SCARA3: variants seen among roughly 807,000 people sequenced by gnomAD.
The protein encoded by SCARA3 is scavenger receptor class A member 3, also known as cellular stress response gene protein.
Under a neutral mutation model 47.0 loss-of-function variants are expected in SCARA3, and 39 were observed. The ratio of observed to expected loss-of-function variants is 0.83; its 90% CI spans 0.64 to 1.08. The LOEUF is 1.08. Ranked by LOEUF, SCARA3 falls within the 50% of genes least tolerant of loss-of-function variation. The pLI is 0.00. For missense variants in SCARA3, 724 were observed against 792.3 expected (o/e 0.91, Z 1.04); for synonymous variants, 356 against 334.1 (o/e 1.07, Z -0.71).
intron 1 of SCARA3, among the ~76,000 whole-genome samples, chr8:27,635,611 C>T (rs1801233221): frequency 8.7e-6 from 1 of 114,858 alleles, no homozygotes; most frequent in Admixed American, 1.1e-4. Context: ...GTGTGCACCA[C>T]CATGCATGGA....
the SCARA3 span, among the ~76,000 whole-genome samples, chr8:27,699,792 A>C: frequency 6.6e-6 from 1 of 152,134 alleles, no homozygotes; most frequent in Non-Finnish European, 1.5e-5. Flanking sequence ...AAATTTCAGA[A>C]AGAAAAAAAA....
chr8:27,686,868 G>A, the SCARA3 span, among the ~76,000 whole-genome samples: 1 of 152,156 alleles, frequency 6.6e-6, no homozygotes, highest in African/African-American at 2.4e-5. Flanking sequence ...TGCCATGGTG[G>A]TTTGCTGAAC....
At chr8:27,719,018 G>C in the SCARA3 span, among the ~76,000 whole-genome samples, 7 of 152,282 alleles carry the variant, frequency 4.6e-5, no homozygotes, top group South Asian at 1.2e-3. Context: ...GCAAAAACAA[G>C]CTACTCTGCC....
At chr8:27,676,337 T>A (rs1802277020), downstream of SCARA3, among the ~76,000 whole-genome samples, 1 of 152,178 alleles carries the variant, frequency 6.6e-6, no homozygotes, top group Non-Finnish European at 1.5e-5. Flanking sequence ...GCCTCGTTAC[T>A]AACACCACCA....
Position 27,660,838 on chromosome 8 carries a change from CTAGCTAGATAGA to C in SCARA3, c.1369+1303_1369+1314del, listed in dbSNP as rs56809311. 8.4e-3 allele frequency among the ~76,000 whole-genome samples: 416 copies of C among 49,804 alleles called. 2 individuals carry two copies. The highest frequency in any genetic ancestry group is 0.015 in the African/African-American group (369 of 25,122). 32.7% of individuals were successfully genotyped at this position (49,804 alleles called of 152,430 possible). On this transcript the variant is annotated intron_variant, in intron 5 of 5. Coordinates refer to ENST00000301904, the MANE Select transcript of SCARA3 (RefSeq NM_016240.3). ...ATAGATATAGATAGAAGATAGCTAG[CTAGCTAGATAGA>C]TAGATAGATAGATAGATAGATAGAT...
the SCARA3 span, among the ~76,000 whole-genome samples, chr8:27,711,920 C>T: frequency 6.6e-6 from 1 of 152,084 alleles, no homozygotes; most frequent in African/African-American, 2.4e-5. Flanking sequence ...ACATTATTAC[C>T]CAAAGTCCAT....
chr8:27,674,725 C>CTTTTTT (rs71553874), downstream of SCARA3, among the ~76,000 whole-genome samples: 6 of 106,288 alleles, frequency 5.6e-5, no homozygotes, highest in Non-Finnish European at 9.6e-5. Context: ...TTTTCTCTCT[C>CTTTTTT]TTTTTTTTTT....
chr8:27,722,512 T>C, the SCARA3 span, among the ~76,000 whole-genome samples: 1 of 152,102 alleles, frequency 6.6e-6, no homozygotes, highest in Admixed American at 6.5e-5. Flanking sequence ...CCCTCGTGCC[T>C]CCATCCATAG....
At chr8:27,717,699 C>T in the SCARA3 span, among the ~76,000 whole-genome samples, 1 of 152,068 alleles carries the variant, frequency 6.6e-6, no homozygotes, top group East Asian at 1.9e-4. Context: ...GCAGGATAAT[C>T]GCTTGAACCC....
chr8:27,685,857 A>G, the SCARA3 span, among the ~76,000 whole-genome samples: 1 of 150,838 alleles, frequency 6.6e-6, no homozygotes, highest in East Asian at 2.1e-4. Context: ...CACCATTTTT[A>G]TGACTGGGGA....
chr8:27,659,011 G>T lies in SCARA3; in HGVS notation c.841G>T (p.Ala281Ser). 1 of 1,614,030 alleles carries T rather than the reference G, an allele frequency of 6.2e-7. No individual in the cohort carries two copies. Among genetic ancestry groups the T allele is most frequent in the East Asian group, 2.2e-5 (1 of 44,856 alleles). Residue 281 changes from alanine to serine, a missense_variant, in exon 5 of 6, where the codon GCC becomes TCC. Physicochemically the swap from Ala to Ser is moderately conservative, Grantham distance 99 (BLOSUM62 1). Transcript: ENST00000301904. ...KTGEAVKNIQ[A>S]TLGASSQRIS... Reference sequence around the variant, plus strand: ...TGGAGAGGCGGTCAAGAACATCCAGGCCACCCTGGGGGCCTCCTCACAGCG... The same window carrying T: ...TGGAGAGGCGGTCAAGAACATCCAGTCCACCCTGGGGGCCTCCTCACAGCG...
chr8:27,661,655 G>A (rs1318560292), intron 5 of SCARA3, among the ~76,000 whole-genome samples: 1 of 152,092 alleles, frequency 6.6e-6, no homozygotes, highest in Admixed American at 6.6e-5. Flanking sequence ...TGCTGTCATT[G>A]GTCACGTGGT....
At chr8:27,704,548 A>G in the SCARA3 span, among the ~76,000 whole-genome samples, 1 of 152,138 alleles carries the variant, frequency 6.6e-6, no homozygotes, top group Non-Finnish European at 1.5e-5. Context: ...AGACAAAATA[A>G]ATATCAAAGT....
At chr8:27,725,404 T>C in the SCARA3 span, among the ~76,000 whole-genome samples, 1 of 150,098 alleles carries the variant, frequency 6.7e-6, no homozygotes, top group Non-Finnish European at 1.5e-5. Flanking sequence ...TATATTTATA[T>C]TATCCTTGAA....
At position 27,649,054 on chromosome 8, in the gene SCARA3, T is replaced by C. The variant is rs372136623; in HGVS notation, c.8-648T>C. ...AAGGGTGTCTGGGGAACTAGAGGAA[T>C]CTTCTGAGTGAGGGATACATCATCT... On this transcript the variant is annotated intron_variant, in intron 1 of 5. Coordinates refer to ENST00000301904, the MANE Select transcript of SCARA3 (RefSeq NM_016240.3). Among the ~76,000 whole-genome samples the C allele has an allele frequency of 4.6e-5, 7 of 152,276 alleles. No individual in the cohort carries two copies. In the East Asian group the frequency reaches 7.7e-4, roughly 17 times the overall value.
At chr8:27,683,345 G>A in the SCARA3 span, among the ~76,000 whole-genome samples, 1 of 152,162 alleles carries the variant, frequency 6.6e-6, no homozygotes, top group Non-Finnish European at 1.5e-5. Context: ...TCTATATCTT[G>A]ATTAGGGGTG....
At chr8:27,704,928 ACAT>A in the SCARA3 span, among the ~76,000 whole-genome samples, 1 of 152,158 alleles carries the variant, frequency 6.6e-6, no homozygotes, top group Admixed American at 6.5e-5. Flanking sequence ...ATCCTTGGTG[ACAT>A]CATGTTTTCT....
At chr8:27,730,863 C>T in the SCARA3 span, among the ~76,000 whole-genome samples, 10,728 of 151,792 alleles carry the variant, frequency 0.071, 499 homozygotes, top group Non-Finnish European at 0.1. Context: ...ACCCTATTCC[C>T]GTTTATACCT....
At chr8:27,655,105 A>G (rs1231619878) in intron 3 of SCARA3, among the ~76,000 whole-genome samples, 1 of 152,242 alleles carries the variant, frequency 6.6e-6, no homozygotes, top group South Asian at 2.1e-4. Flanking sequence ...TCTGAGATGT[A>G]CAATATTAAC....
Sources: allele counts gnomAD v4.1 joint callset (sites outside exome capture counted in the v4.1 genomes callset), GRCh38; gene constraint gnomAD v4.1.1; transcripts MANE v1.5; gene names NCBI Gene and HGNC (gene_info 2026-07-23, HGNC 2026-07-21).